RIMS1: variants seen among roughly 807,000 people sequenced by gnomAD.
RIMS1 encodes the protein regulating synaptic membrane exocytosis 1.
In RIMS1, 83 loss-of-function variants were observed where a neutral mutation model predicts 214.1. That is an observed-to-expected ratio of 0.39 (90% CI 0.32 to 0.47). RIMS1 has a LOEUF of 0.47. RIMS1 is among the 20% of genes least tolerant of loss of function. The pLI, the probability that RIMS1 is intolerant of heterozygous loss-of-function variation, is 0.99. For synonymous variants in RIMS1, 793 were observed against 786.8 expected (o/e 1.01, Z -0.13); for missense variants, 2,050 against 2,161.8 (o/e 0.95, Z 1.03).
rs147432708 is a variant in RIMS1, at chr6:71,929,808, A to C, written c.165-39175A>C. 5.9e-5 allele frequency among the ~76,000 whole-genome samples: 9 copies of C among 152,230 alleles called. No homozygotes were observed. In the East Asian group the frequency reaches 1.7e-3, roughly 29 times the overall value. On this transcript the variant is annotated intron_variant, in intron 1 of 33. Coordinates refer to ENST00000521978, the MANE Select transcript of RIMS1 (RefSeq NM_014989.7). Reference sequence around the variant, plus strand: ...TATTAAAATTAATGGGACTGGCATCATGTGAGAAAGAATAAGAATGATTCT... The same window carrying C: ...TATTAAAATTAATGGGACTGGCATCCTGTGAGAAAGAATAAGAATGATTCT...
intron 29 of RIMS1, among the ~76,000 whole-genome samples, chr6:72,369,158 A>G (rs569205111): frequency 5.3e-5 from 8 of 151,502 alleles, no homozygotes; most frequent in African/African-American, 1.9e-4. Flanking sequence ...TGCCATCTCT[A>G]TGAAAATTAA....
intron 6 of RIMS1, among the ~76,000 whole-genome samples, chr6:72,196,373 GTCTGTCTATCTATCTATCTATCTA>G (rs2050891177): frequency 9.8e-6 from 1 of 102,358 alleles, no homozygotes; most frequent in African/African-American, 3.8e-5. Flanking sequence ...CTGTCTGTCT[GTCTGTCTATCTATCTATCTATCTA>G]TCTATCTATC....
At chr6:72,350,267 T>C (rs2154368888) in intron 29 of RIMS1, among the ~76,000 whole-genome samples, 1 of 152,196 alleles carries the variant, frequency 6.6e-6, no homozygotes, top group East Asian at 1.9e-4. Context: ...TAATAAAGCA[T>C]ATTTTTTCCA....
At chr6:72,035,642 T>C (rs1819414916) in intron 2 of RIMS1, among the ~76,000 whole-genome samples, 1 of 152,188 alleles carries the variant, frequency 6.6e-6, no homozygotes, top group Non-Finnish European at 1.5e-5. Context: ...ATCCTTTCAG[T>C]GACTCAAGAA....
At chr6:72,310,004 A>G (rs2095430461) in intron 27 of RIMS1, among the ~76,000 whole-genome samples, 1 of 152,110 alleles carries the variant, frequency 6.6e-6, no homozygotes, top group Admixed American at 6.5e-5. Flanking sequence ...ACTATTTTAT[A>G]AAGATCTATT....
chr6:72,004,124 G>A (rs561193282), intron 2 of RIMS1, among the ~76,000 whole-genome samples: 1 of 148,300 alleles, frequency 6.7e-6, no homozygotes, highest in Non-Finnish European at 1.5e-5. Context: ...GAGGTGTTTG[G>A]TTTTTTGTCC....
At position 72,182,669 on chromosome 6, in the gene RIMS1, G is replaced by T. The variant is rs1196467422; in HGVS notation, c.1198G>T (p.Ala400Ser). The change falls in exon 6 of 34, where the codon GCG becomes TCG. Residue 400 changes from alanine (A) to serine (S), a missense_variant. Around this residue, in one of 6 missense-constraint regions of RIMS1, gnomAD observed 882 missense variants for 828.9 expected, o/e 1.06. Transcript: ENST00000521978. Reference sequence around the variant, plus strand: ...CGACGTGGCGCTCCCGCGCACCGAGGCGGGCGCGGCGCTGCCGGAGGGCAA... The same window carrying T: ...CGACGTGGCGCTCCCGCGCACCGAGTCGGGCGCGGCGCTGCCGGAGGGCAA... ...HSDVALPRTEAGAALPEGKAG... is the reference protein window; with the variant it reads ...HSDVALPRTESGAALPEGKAG... 6.9e-7 allele frequency: 1 copy of T among 1,448,078 alleles called. No individual in the cohort carries two copies. The highest frequency in any genetic ancestry group is 1.5e-5 in the African/African-American group (1 of 66,718). The allele number at this position is 1,448,078 out of a possible 1,614,324, so 89.7% of individuals were successfully genotyped here.
Position 72,162,151 on chromosome 6 carries a change from T to G in RIMS1, c.472-17424T>G. On this transcript the variant is annotated intron_variant, in intron 4 of 33. Transcript: ENST00000521978. ...CTTTACCATTATGTAATGGCCTTCTTTGTCTCTTTTGATCTTTGTTGGTGG... is the reference window on the plus strand; with the variant it reads ...CTTTACCATTATGTAATGGCCTTCTGTGTCTCTTTTGATCTTTGTTGGTGG... Among the ~76,000 whole-genome samples, 2 of 140,950 alleles carry G rather than the reference T, an allele frequency of 1.4e-5. 1 individual carries two copies. The highest frequency in any genetic ancestry group is 4.0e-4 in the East Asian group (2 of 4,994). 92.5% of individuals were successfully genotyped at this position (140,950 alleles called of 152,430 possible).
At chr6:72,112,250 G>T (rs918215771) in intron 4 of RIMS1, among the ~76,000 whole-genome samples, 12 of 151,928 alleles carry the variant, frequency 7.9e-5, no homozygotes, top group African/African-American at 2.7e-4. Flanking sequence ...TCGCCAAACT[G>T]GTCCAAGACA....
intron 4 of RIMS1, among the ~76,000 whole-genome samples, chr6:72,127,808 G>A (rs1050532028): frequency 6.6e-6 from 1 of 152,212 alleles, no homozygotes; most frequent in African/African-American, 2.4e-5. Flanking sequence ...AAGCCAATAT[G>A]TGATGCCTAT....
At chr6:72,011,210 C>G (rs1455839038) in intron 2 of RIMS1, among the ~76,000 whole-genome samples, 3 of 152,062 alleles carry the variant, frequency 2.0e-5, no homozygotes, top group Admixed American at 6.6e-5. Flanking sequence ...ACAAACCTGA[C>G]AAAAACAAGA....
intron 4 of RIMS1, among the ~76,000 whole-genome samples, chr6:72,112,553 A>G (rs924070718): frequency 2.0e-5 from 3 of 151,978 alleles, no homozygotes; most frequent in East Asian, 1.9e-4. Flanking sequence ...TGCTCACTGT[A>G]TTCTTCCTGG....
At chr6:71,984,977 T>C (rs1584184645) in intron 2 of RIMS1, among the ~76,000 whole-genome samples, 1 of 152,264 alleles carries the variant, frequency 6.6e-6, no homozygotes, top group East Asian at 1.9e-4. Flanking sequence ...CCAATACAGA[T>C]TGTAGTTCAC....
intron 4 of RIMS1, among the ~76,000 whole-genome samples, chr6:72,176,824 C>G (rs1480007121): frequency 6.6e-6 from 1 of 152,142 alleles, no homozygotes; most frequent in Non-Finnish European, 1.5e-5. Flanking sequence ...TTGACATAGT[C>G]ACTAATTGTA....
chr6:71,916,998 AG>A (rs1224437687), intron 1 of RIMS1, among the ~76,000 whole-genome samples: 1 of 152,140 alleles, frequency 6.6e-6, no homozygotes. Context: ...ATGGAATTGG[AG>A]GTGTTTATAT....
chr6:72,261,676 C>T (rs2078094606), intron 19 of RIMS1: 1 of 985,192 alleles, frequency 1.0e-6, no homozygotes, highest in Non-Finnish European at 1.2e-6. Context: ...TACCGCAGTA[C>T]TTGGGATGCA....
intron 2 of RIMS1, among the ~76,000 whole-genome samples, chr6:72,041,089 T>C (rs1160833479): frequency 6.6e-6 from 1 of 151,962 alleles, no homozygotes; most frequent in Non-Finnish European, 1.5e-5. Context: ...TATATGTGTA[T>C]GTGTGTATGC....
chr6:72,206,971 A>T (rs2053035546), intron 6 of RIMS1, among the ~76,000 whole-genome samples: 1 of 152,232 alleles, frequency 6.6e-6, no homozygotes, highest in Admixed American at 6.5e-5. Flanking sequence ...TGAAATAAAT[A>T]TTGTTTTAGA....
intron 4 of RIMS1, among the ~76,000 whole-genome samples, chr6:72,153,114 G>T (rs969945736): frequency 6.9e-6 from 1 of 144,674 alleles, no homozygotes; most frequent in African/African-American, 2.5e-5. Flanking sequence ...TATATATATG[G>T]AATATATGTA....
Sources: allele counts gnomAD v4.1 joint callset (sites outside exome capture counted in the v4.1 genomes callset), GRCh38; gene constraint gnomAD v4.1.1; regional missense constraint gnomAD v4.1.1; transcripts MANE v1.5; gene names NCBI Gene and HGNC (gene_info 2026-07-23, HGNC 2026-07-21).